The following KMT2E variants were observed in gnomAD, a reference collection of about 807,000 sequenced individuals.
The protein encoded by KMT2E is lysine methyltransferase 2E (inactive), also known as histone reader KMT2E.
In KMT2E, 30 loss-of-function variants were observed where a neutral mutation model predicts 184.6. That is an observed-to-expected ratio of 0.16 (90% CI 0.12 to 0.22). The LOEUF (loss-of-function observed/expected upper bound fraction) is 0.22. Among genes scored for constraint, KMT2E ranks in the 10% least tolerant of loss-of-function variants. The pLI, the probability that KMT2E is intolerant of heterozygous loss-of-function variation, is 1.00. For synonymous variants in KMT2E, 815 were observed against 776.5 expected (o/e 1.05, Z -0.82); for missense variants, 2,023 against 2,237.4 (o/e 0.90, Z 1.93).
intron 15 of KMT2E, among the ~76,000 whole-genome samples, chr7:105,096,247 C>CAAAAAA (rs11330758): frequency 1.4e-5 from 1 of 69,264 alleles, no homozygotes; most frequent in African/African-American, 5.6e-5. Context: ...GTGAAAGGCT[C>CAAAAAA]AAAAAAAAAA....
At chr7:105,059,386 G>C (rs1358070981) in intron 3 of KMT2E, among the ~76,000 whole-genome samples, 1 of 152,128 alleles carries the variant, frequency 6.6e-6, no homozygotes, top group African/African-American at 2.4e-5. Flanking sequence ...TTCCTTCTGT[G>C]TAATTTTTAA....
At chr7:105,068,029 C>T (rs900411804) in intron 6 of KMT2E, among the ~76,000 whole-genome samples, 59 of 152,092 alleles carry the variant, frequency 3.9e-4, no homozygotes, top group African/African-American at 1.4e-3. Context: ...TCTGGCTCAC[C>T]CAGCCATTGT....
Position 105,110,321 on chromosome 7 carries a change from A to G in KMT2E, c.3797A>G (p.Tyr1266Cys). 1 of 1,614,204 alleles carries G rather than the reference A, an allele frequency of 6.2e-7. No homozygotes were observed. ...GTGGAACAAGTCAGAGAAAGGAGTT[A>G]TCAGAGAGCTTTACTTCTCAGTGAT... Reference protein sequence around the residue: ...TSVEQVRERSYQRALLLSDHR... With the variant: ...TSVEQVRERSCQRALLLSDHR... The change falls in exon 24 of 27, where the codon TAT (tyrosine) becomes TGT (cysteine). Residue 1266 changes from tyrosine to cysteine, a missense_variant. Physicochemically the swap from Tyr to Cys is radical, Grantham distance 194 (BLOSUM62 -2). This residue lies in a region of KMT2E where 1,108 missense variants were observed against 1,050.9 expected (regional missense o/e 1.05). Transcript: ENST00000311117.
intron 1 of KMT2E, among the ~76,000 whole-genome samples, chr7:105,015,273 G>C (rs927899543): frequency 1.3e-5 from 2 of 152,156 alleles, no homozygotes; most frequent in African/African-American, 4.8e-5. Context: ...TTCTATGGCA[G>C]CAGACACAGA....
chr7:105,091,030 G>A (rs1798182141), intron 14 of KMT2E, among the ~76,000 whole-genome samples, 186 bp from the exon 15 acceptor site: 2 of 152,120 alleles, frequency 1.3e-5, no homozygotes, highest in South Asian at 2.1e-4. Flanking sequence ...AAAAGCGAAA[G>A]TATTTGATTG....
chr7:105,065,422 A>G (rs1433628898), intron 5 of KMT2E, among the ~76,000 whole-genome samples: 1 of 152,116 alleles, frequency 6.6e-6, no homozygotes, highest in South Asian at 2.1e-4. Context: ...TTCTTGCCCC[A>G]ACATTCTCAG....
chr7:105,043,937 A>T (rs184836466), intron 3 of KMT2E, among the ~76,000 whole-genome samples: 2,414 of 152,154 alleles, frequency 0.016, 32 homozygotes, highest in Non-Finnish European at 0.024. Flanking sequence ...CAAAATAAAA[A>T]TTTTTTAAAA....
At chr7:105,066,448 A>C (rs1372415848) in intron 5 of KMT2E, among the ~76,000 whole-genome samples, 1 of 152,120 alleles carries the variant, frequency 6.6e-6, no homozygotes, top group Non-Finnish European at 1.5e-5. Flanking sequence ...CCGTCTCTAC[A>C]TTGTGATTTC....
chr7:105,022,296 T>G (rs1281324823), intron 1 of KMT2E, among the ~76,000 whole-genome samples: 1 of 152,216 alleles, frequency 6.6e-6, no homozygotes, highest in Non-Finnish European at 1.5e-5. Context: ...TTGTTGTCCC[T>G]TAAGTCTCTT....
At chr7:105,031,000 T>C (rs1401174090) in intron 1 of KMT2E, among the ~76,000 whole-genome samples, 2 of 152,198 alleles carry the variant, frequency 1.3e-5, no homozygotes, top group African/African-American at 4.8e-5. Flanking sequence ...AAAATAGTGA[T>C]AGAAAGCATA....
At chr7:105,065,631 A>G (rs918435458) in intron 5 of KMT2E, among the ~76,000 whole-genome samples, 16 of 152,190 alleles carry the variant, frequency 1.1e-4, no homozygotes, top group African/African-American at 3.9e-4. Context: ...GAGCTTAACA[A>G]CAATTGTAAC....
At chr7:105,028,580 C>T (rs1795269058) in intron 1 of KMT2E, among the ~76,000 whole-genome samples, 1 of 152,132 alleles carries the variant, frequency 6.6e-6, no homozygotes, top group Non-Finnish European at 1.5e-5. Context: ...TAACCTCCAC[C>T]TCCCAGGCTC....
At chr7:105,074,490 A>G (rs9641340) in intron 7 of KMT2E, among the ~76,000 whole-genome samples, 153 bp from the exon 8 acceptor site, 1 of 152,054 alleles carries the variant, frequency 6.6e-6, no homozygotes, top group Non-Finnish European at 1.5e-5. Flanking sequence ...TGTGCTTTGC[A>G]TGTAAATGTG....
At chr7:105,075,742 C>T (rs1180600315) in intron 8 of KMT2E, among the ~76,000 whole-genome samples, 1 of 151,316 alleles carries the variant, frequency 6.6e-6, no homozygotes, top group Non-Finnish European at 1.5e-5. Flanking sequence ...AGTGGGTATT[C>T]ATAGACTGGC....
chr7:105,059,847 T>A (rs2129566937), intron 3 of KMT2E, among the ~76,000 whole-genome samples: 1 of 152,188 alleles, frequency 6.6e-6, no homozygotes, highest in Admixed American at 6.5e-5. Context: ...ATTTTCTTAT[T>A]ACTGCTATAT....
Position 105,113,014 on chromosome 7 carries a change from G to T in KMT2E, c.5258G>T (p.Ser1753Ile). 6.2e-7 allele frequency: 1 copy of T among 1,613,818 alleles called. No homozygotes were observed. The highest frequency in any genetic ancestry group is 8.5e-7 in the Non-Finnish European group (1 of 1,179,954). Residue 1753 changes from serine to isoleucine, a missense_variant, in exon 27 of 27, where the codon AGT becomes ATT. Around this residue, in one of 8 missense-constraint regions of KMT2E, gnomAD observed 1,108 missense variants for 1,050.9 expected, o/e 1.05. Coordinates refer to ENST00000311117, the MANE Select transcript of KMT2E (RefSeq NM_182931.3). ...CAAGGACCTCCACTTTTTCCTTCGA[G>T]TGCTCATCCAACTGTACCACCGTAT... ...PHQGPPLFPSSAHPTVPPYPS... is the reference protein window; with the variant it reads ...PHQGPPLFPSIAHPTVPPYPS...
At chr7:105,077,987 C>A (rs1345328408) in intron 11 of KMT2E, among the ~76,000 whole-genome samples, 3 of 152,266 alleles carry the variant, frequency 2.0e-5, no homozygotes, top group Admixed American at 2.0e-4. Flanking sequence ...ATTAATATGA[C>A]CCTTTGATAG....
chr7:105,113,449 G>T lies in KMT2E; in HGVS notation c.*116G>T. The T allele has an allele frequency of 9.0e-7, 1 of 1,106,128 alleles. No homozygotes were observed. The highest frequency in any genetic ancestry group is 1.2e-6 in the Non-Finnish European group (1 of 810,316). The allele number at this position is 1,106,128 out of a possible 1,614,324, so 68.5% of individuals were successfully genotyped here. On this transcript the variant is annotated 3_prime_UTR_variant, in exon 27 of 27. Coordinates refer to ENST00000311117, the MANE Select transcript of KMT2E (RefSeq NM_182931.3). ...ATGAACCTTTGTATAAAAAACACCA[G>T]TGCTCTTTCGTTGTATTTTTCTCAT...
chr7:105,048,597 A>G (rs1291220005), intron 3 of KMT2E, among the ~76,000 whole-genome samples: 1 of 152,150 alleles, frequency 6.6e-6, no homozygotes, highest in Non-Finnish European at 1.5e-5. Flanking sequence ...GTTATTGAAA[A>G]TCCTCTTTTA....
Sources: allele counts gnomAD v4.1 joint callset (sites outside exome capture counted in the v4.1 genomes callset), GRCh38; gene constraint gnomAD v4.1.1; regional missense constraint gnomAD v4.1.1; transcripts MANE v1.5; gene names NCBI Gene and HGNC (gene_info 2026-07-23, HGNC 2026-07-21).